Variants in FILIP1L observed in about 807,000 individuals in gnomAD.
FILIP1L encodes the protein filamin A-interacting protein 1-like.
Under a neutral mutation model 96.6 loss-of-function variants are expected in FILIP1L, and 55 were observed. The observed-to-expected ratio is 0.57, with a 90% CI of 0.46 to 0.71. FILIP1L has a LOEUF of 0.71. FILIP1L is among the 30% of genes least tolerant of loss of function. FILIP1L has a pLI of 0.00. For synonymous variants in FILIP1L, 467 were observed against 473.9 expected (o/e 0.99, Z 0.19); for missense variants, 1,304 against 1,321.2 (o/e 0.99, Z 0.20).
chr3:99,915,344 G>A (rs1706919320), intron 4 of FILIP1L, among the ~76,000 whole-genome samples: 1 of 152,110 alleles, frequency 6.6e-6, no homozygotes, highest in Non-Finnish European at 1.5e-5. Flanking sequence ...TGTGGAAGGG[G>A]CTGTGTAACA....
At chr3:99,889,647 G>C (rs920378062) in intron 4 of FILIP1L, among the ~76,000 whole-genome samples, 6 of 151,204 alleles carry the variant, frequency 4.0e-5, no homozygotes, top group African/African-American at 1.5e-4. Context: ...CTCATTTCTT[G>C]GCTTCTTCTG....
chr3:99,885,863 C>G (rs1705878935), intron 4 of FILIP1L, among the ~76,000 whole-genome samples: 1 of 152,180 alleles, frequency 6.6e-6, no homozygotes, highest in Non-Finnish European at 1.5e-5. Context: ...CAATACAGCT[C>G]AACTCTGTAA....
rs138679416 is a variant in FILIP1L at position 99,998,674 on chromosome 3, C to T, written c.-10-67644G>A. 6.1e-3 allele frequency among the ~76,000 whole-genome samples: 930 copies of T among 152,224 alleles called. 11 individuals are homozygous for T. Among genetic ancestry groups the T allele is most frequent in the African/African-American group, 0.021 (859 of 41,550 alleles). The stretch of plus-strand genomic sequence containing the variant: ...GCCTCCCGGGTTCACGCGATTCTCC[C>T]GCCTCAGCCTCCCCAGTAGCTGGGA... On this transcript the variant is annotated intron_variant, in intron 1 of 5. Transcript: ENST00000477258.
In FILIP1L at chr3:99,830,563, TA is replaced by T. The variant is rs1942639619; in HGVS notation, c.3423del (p.Lys1142AsnfsTer34). 1 of 456,548 alleles carries T rather than the reference TA, an allele frequency of 2.2e-6. No individual in the cohort carries two copies. The highest frequency in any genetic ancestry group is 4.4e-6 in the Non-Finnish European group (1 of 226,956). The allele number at this position is 456,548 out of a possible 1,614,324, so 28.3% of individuals were successfully genotyped here. A position where few individuals can be genotyped will look rare whatever the true frequency, so the allele number is the denominator to read the frequency against. The stretch of plus-strand genomic sequence containing the variant: ...TTGGTGATGCCTGTAGATTTCGGTT[TA>T]GGGATCCGTGCTGGGATTCTCTGCT... ...VCKQRIPARI[P>X]KPKSTGITKI... is the part of the protein sequence containing the mutation. On this transcript the variant is annotated frameshift_variant, in exon 6 of 6. Coordinates refer to ENST00000477258, the MANE Select transcript of FILIP1L (RefSeq NM_001387850.1). LOFTEE classifies it high-confidence loss of function.
chr3:100,050,155 T>C (rs559950853), intron 1 of FILIP1L, among the ~76,000 whole-genome samples: 2 of 152,328 alleles, frequency 1.3e-5, no homozygotes, highest in Admixed American at 1.3e-4. Flanking sequence ...TTTTTAAAAT[T>C]TGTTTATTTA....
At chr3:99,846,049 T>G (rs1943350240) in intron 5 of FILIP1L, among the ~76,000 whole-genome samples, 1 of 152,234 alleles carries the variant, frequency 6.6e-6, no homozygotes, top group South Asian at 2.1e-4. Flanking sequence ...GTAGCTCACA[T>G]AAGAAATTGA....
chr3:99,890,441 T>C (rs1014011336), intron 4 of FILIP1L, among the ~76,000 whole-genome samples: 3 of 152,156 alleles, frequency 2.0e-5, no homozygotes, highest in Non-Finnish European at 4.4e-5. Flanking sequence ...ATTTCAAATA[T>C]GGCTTCTGAA....
chr3:99,836,477 G>A (rs1942900037), intron 5 of FILIP1L, among the ~76,000 whole-genome samples: 1 of 152,152 alleles, frequency 6.6e-6, no homozygotes, highest in Non-Finnish European at 1.5e-5. Context: ...GTTGCTTTGA[G>A]GATCGTGGTA....
intron 5 of FILIP1L, among the ~76,000 whole-genome samples, chr3:99,843,939 C>G (rs1943248057): frequency 6.6e-6 from 1 of 152,208 alleles, no homozygotes; most frequent in Non-Finnish European, 1.5e-5. Flanking sequence ...TTATGAGACT[C>G]TAGCTAATGC....
intron 1 of FILIP1L, among the ~76,000 whole-genome samples, chr3:99,963,767 G>A (rs1334556636): frequency 3.3e-5 from 5 of 151,932 alleles, no homozygotes; most frequent in Admixed American, 1.3e-4. Context: ...ACAGGCACAC[G>A]CCACCATGCT....
chr3:99,934,246 G>A (rs182125340), intron 1 of FILIP1L, among the ~76,000 whole-genome samples: 2 of 152,180 alleles, frequency 1.3e-5, no homozygotes, highest in Non-Finnish European at 2.9e-5. Context: ...CATGGAAGAA[G>A]ATACAAGGCC....
chr3:99,850,576 C>T lies in FILIP1L; in HGVS notation c.1100G>A (p.Gly367Asp). 6.2e-7 allele frequency: 1 copy of T among 1,613,826 alleles called. No individual in the cohort carries two copies. The highest frequency in any genetic ancestry group is 8.5e-7 in the Non-Finnish European group (1 of 1,180,020). Residue 367 changes from glycine (G) to aspartate (D), a missense_variant, in exon 5 of 6, where the codon GGT becomes GAT. Physicochemically the swap from Gly to Asp is moderately conservative, Grantham distance 94. Transcript: ENST00000477258. ...KISKGEYGNA[G>D]IMAEVEELRK... ...GAGCTCTTCCACTTCAGCCATGATA[C>T]CAGCGTTTCCATATTCTCCCTTACT...
chr3:99,911,244 G>C (rs1266447426), intron 4 of FILIP1L, among the ~76,000 whole-genome samples: 1 of 151,364 alleles, frequency 6.6e-6, no homozygotes, highest in Non-Finnish European at 1.5e-5. Context: ...TACAATAATG[G>C]ATAATGTGAA....
chr3:100,109,213 A>G (rs892246385), intron 1 of FILIP1L, among the ~76,000 whole-genome samples: 1 of 151,920 alleles, frequency 6.6e-6, no homozygotes, highest in Admixed American at 6.6e-5. Flanking sequence ...GTGTGTTTTA[A>G]TATCCTAAAA....
chr3:99,898,741 C>CT (rs1706340880), intron 4 of FILIP1L: 1 of 147,068 alleles, frequency 6.8e-6, no homozygotes, highest in Admixed American at 6.8e-5. Flanking sequence ...ACTCCAGCCT[C>CT]GGCAGCAGAG....
At chr3:99,994,306 C>T (rs572508963) in intron 1 of FILIP1L, among the ~76,000 whole-genome samples, 1 of 152,260 alleles carries the variant, frequency 6.6e-6, no homozygotes, top group Non-Finnish European at 1.5e-5. Context: ...TATTGTCCCA[C>T]TCACAGCACT....
At chr3:99,895,556 G>GTTCAT (rs1228762289) in intron 4 of FILIP1L, among the ~76,000 whole-genome samples, 1 of 152,112 alleles carries the variant, frequency 6.6e-6, no homozygotes, top group Non-Finnish European at 1.5e-5. Context: ...AGGGAACTTA[G>GTTCAT]TTCACAATAG....
At chr3:100,016,896 C>T (rs2107215689) in intron 1 of FILIP1L, among the ~76,000 whole-genome samples, 1 of 152,244 alleles carries the variant, frequency 6.6e-6, no homozygotes, top group Middle Eastern at 3.4e-3. Flanking sequence ...TTAGTTGTGT[C>T]CAAAATATCA....
chr3:100,101,787 CA>C, intron 1 of FILIP1L, among the ~76,000 whole-genome samples: 1 of 152,072 alleles, frequency 6.6e-6, no homozygotes, highest in African/African-American at 2.4e-5. Flanking sequence ...CACCCCACAA[CA>C]GGCCCCAGTG....
Sources: allele counts gnomAD v4.1 joint callset (sites outside exome capture counted in the v4.1 genomes callset), GRCh38; gene constraint gnomAD v4.1.1; transcripts MANE v1.5; gene names NCBI Gene and HGNC (gene_info 2026-07-23, HGNC 2026-07-21).